The following SNRK variants were observed in gnomAD, a reference collection of about 807,000 sequenced individuals.
SNRK encodes SNF related kinase, also known as SNF-related serine/threonine-protein kinase.
Under a neutral mutation model 48.2 loss-of-function variants are expected in SNRK, and 3 were observed. The observed-to-expected ratio is 0.06, with a 90% CI of 0.03 to 0.16. SNRK has a LOEUF of 0.16. Among genes scored for constraint, SNRK ranks in the 10% least tolerant of loss-of-function variants. SNRK has a pLI of 1.00. For synonymous variants in SNRK, 376 were observed against 366.1 expected (o/e 1.03, Z -0.31); for missense variants, 627 against 976.0 (o/e 0.64, Z 4.76).
At chr3:43,317,778 C>T (rs1359064617) in intron 3 of SNRK, among the ~76,000 whole-genome samples, 1 of 152,202 alleles carries the variant, frequency 6.6e-6, no homozygotes, top group Non-Finnish European at 1.5e-5. Context: ...AGTGAGGCCT[C>T]AGCTTCTTCT....
At chr3:43,287,507 C>G (rs570488141) in intron 1 of SNRK, among the ~76,000 whole-genome samples, 1 of 152,264 alleles carries the variant, frequency 6.6e-6, no homozygotes, top group Non-Finnish European at 1.5e-5. Flanking sequence ...GTTCCTAAAT[C>G]TATAGAGGTC....
chr3:43,296,072 G>A (rs2090850913), intron 1 of SNRK, among the ~76,000 whole-genome samples: 1 of 152,108 alleles, frequency 6.6e-6, no homozygotes, highest in African/African-American at 2.4e-5. Flanking sequence ...GAAAACAGCA[G>A]TGGTGACTGC....
chr3:43,317,430 G>T (rs17075555), intron 3 of SNRK, among the ~76,000 whole-genome samples: 3,809 of 152,256 alleles, frequency 0.025, 163 homozygotes, highest in African/African-American at 0.084. Flanking sequence ...GCAGTTTCAG[G>T]TAACCCTTAC....
chr3:43,293,461 C>T (rs2090828915), intron 1 of SNRK, among the ~76,000 whole-genome samples: 1 of 152,124 alleles, frequency 6.6e-6, no homozygotes, highest in Non-Finnish European at 1.5e-5. Flanking sequence ...ATTGAGTAGT[C>T]TCTGCCTTTC....
chr3:43,345,141 T>G (rs2091265996), intron 6 of SNRK, among the ~76,000 whole-genome samples: 1 of 152,154 alleles, frequency 6.6e-6, no homozygotes, highest in African/African-American at 2.4e-5. Context: ...TTCTGAACTG[T>G]TTTCCTTTTG....
Position 43,347,345 on chromosome 3 carries a change from A to G in SNRK, c.1086A>G (p.Ser362=), listed in dbSNP as rs376013543. Residue 362 remains serine, a synonymous_variant, in exon 7 of 7, where the codon TCA becomes TCG. Transcript: ENST00000296088. The surrounding 1 kb of genome is among the most constrained non-coding windows in gnomAD (Gnocchi z 5.4). ...CAATCTATCTGTTACATAGGCAGTCATGGCCAACCAAAATTGATGTACCCC... is the reference window on the plus strand; with the variant it reads ...CAATCTATCTGTTACATAGGCAGTCGTGGCCAACCAAAATTGATGTACCCC... The part of the protein sequence containing the change: ...PSNIKAQFRQ[S]WPTKIDVPQD... 18 of 1,565,222 alleles carry G rather than the reference A, an allele frequency of 1.2e-5. No homozygotes were observed. In the African/African-American group the frequency reaches 1.4e-4, roughly 12 times the overall value.
intron 1 of SNRK, among the ~76,000 whole-genome samples, chr3:43,288,237 AT>A (rs963138386): frequency 1.3e-5 from 2 of 151,646 alleles, no homozygotes; most frequent in Non-Finnish European, 2.9e-5. Context: ...CCACCTTTCA[AT>A]TTTTTTTTAA....
At chr3:43,287,082 G>A (rs2090771453) in intron 1 of SNRK, among the ~76,000 whole-genome samples, 1 of 151,394 alleles carries the variant, frequency 6.6e-6, no homozygotes, top group Admixed American at 6.6e-5. Context: ...CTGGGCGCTT[G>A]GTAGGGTGTG....
chr3:43,314,010 C>G (rs1247280688), intron 3 of SNRK, among the ~76,000 whole-genome samples: 10 of 152,148 alleles, frequency 6.6e-5, no homozygotes, highest in Admixed American at 5.2e-4. Flanking sequence ...GACAGAAACA[C>G]AGTATATTTT....
At chr3:43,335,385 A>G (rs2091178538) in intron 4 of SNRK, among the ~76,000 whole-genome samples, 1 of 152,136 alleles carries the variant, frequency 6.6e-6, no homozygotes, top group Admixed American at 6.6e-5. Flanking sequence ...CGTTTTTCTA[A>G]TTAGCTTTTT....
intron 1 of SNRK, among the ~76,000 whole-genome samples, chr3:43,288,678 C>T (rs1306014482): frequency 6.6e-6 from 1 of 152,166 alleles, no homozygotes; most frequent in Non-Finnish European, 1.5e-5. Context: ...AGCAGCTTGT[C>T]TAATCCTAAG....
At chr3:43,297,789 C>T (rs191888967) in intron 1 of SNRK, among the ~76,000 whole-genome samples, 1 of 152,184 alleles carries the variant, frequency 6.6e-6, no homozygotes, top group African/African-American at 2.4e-5. Context: ...CAAATACTTA[C>T]ATTTTGTGAG....
At chr3:43,296,768 T>TA (rs1219098769) in intron 1 of SNRK, among the ~76,000 whole-genome samples, 2 of 152,148 alleles carry the variant, frequency 1.3e-5, no homozygotes, top group Non-Finnish European at 2.9e-5. Flanking sequence ...TTAACAAGAA[T>TA]AACAGGGTGA....
intron 3 of SNRK, among the ~76,000 whole-genome samples, chr3:43,328,152 AT>A (rs1051609513): frequency 6.6e-6 from 1 of 152,026 alleles, no homozygotes; most frequent in African/African-American, 2.4e-5. Context: ...TTCCATTAAC[AT>A]TTTTTGGAAA....
At chr3:43,305,730 C>A (rs2090932798) in intron 3 of SNRK, among the ~76,000 whole-genome samples, 1 of 152,114 alleles carries the variant, frequency 6.6e-6, no homozygotes, top group Non-Finnish European at 1.5e-5. Flanking sequence ...CGTGATCCAC[C>A]CGCCTCAGCC....
chr3:43,343,144 A>C (rs2091250280), intron 5 of SNRK, 200 bp from the exon 6 acceptor site: 1 of 573,230 alleles, frequency 1.7e-6, no homozygotes, highest in African/African-American at 1.9e-5. Context: ...AAATATGAAC[A>C]TTTTTATGCA....
At chr3:43,340,232 A>T in intron 4 of SNRK, 55 bp from the exon 5 acceptor site, 1 of 1,345,980 alleles carries the variant, frequency 7.4e-7, no homozygotes, top group African/African-American at 1.4e-5. Flanking sequence ...ATGATCCATC[A>T]TTACTGATCC....
intron 3 of SNRK, among the ~76,000 whole-genome samples, chr3:43,315,571 A>C (rs2091007914): frequency 6.6e-6 from 1 of 152,272 alleles, no homozygotes; most frequent in East Asian, 1.9e-4. Context: ...GGCTTTTGTC[A>C]CAGGGACTAC....
chr3:43,336,587 C>T (rs2091190686), intron 4 of SNRK, among the ~76,000 whole-genome samples: 1 of 152,158 alleles, frequency 6.6e-6, no homozygotes, highest in Non-Finnish European at 1.5e-5. Context: ...CAGCCTCTGC[C>T]TCCCGAAGTG....
Sources: gnomAD v4.1 joint callset for allele counts (sites outside exome capture counted in the v4.1 genomes callset) on GRCh38, gnomAD v4.1.1 for gene constraint, Gnocchi (gnomAD v3.1) non-coding constraint, MANE v1.5 for transcripts, NCBI Gene and HGNC (gene_info 2026-07-23, HGNC 2026-07-21) for gene names.